Variants in RAB38 observed in about 807,000 individuals in gnomAD.
The protein encoded by RAB38 is RAB38, member RAS oncogene family, also known as ras-related protein Rab-38.
In RAB38, 15 loss-of-function variants were observed where a neutral mutation model predicts 18.4. The observed-to-expected ratio is 0.82, with a 90% CI of 0.55 to 1.26. The LOEUF (loss-of-function observed/expected upper bound fraction) is 1.26, where lower values mean the gene tolerates loss of function less well. Among genes scored for constraint, RAB38 ranks in the 50% most tolerant of loss-of-function variants. The pLI is 0.00. For missense variants in RAB38, 294 were observed against 267.4 expected, an observed-to-expected ratio of 1.10 and a Z score of -0.69; for synonymous variants, 101 against 104.4, an observed-to-expected ratio of 0.97 and a Z score of 0.20.
the RAB38 span, among the ~76,000 whole-genome samples, chr11:88,035,155 A>C: frequency 8.3e-3 from 1,259 of 152,232 alleles, 9 homozygotes; most frequent in Non-Finnish European, 0.015. Context: ...TTGCTTATTT[A>C]TTTTTAAAAA....
chr11:87,957,401 A>AT, the RAB38 span, among the ~76,000 whole-genome samples: 1 of 151,430 alleles, frequency 6.6e-6, no homozygotes, highest in South Asian at 2.1e-4. Context: ...TTAACAGAAA[A>AT]AAAAACCCAT....
chr11:87,866,904 A>T, the RAB38 span, among the ~76,000 whole-genome samples: 3 of 151,788 alleles, frequency 2.0e-5, no homozygotes, highest in East Asian at 5.8e-4. Flanking sequence ...GTTGGAGGCT[A>T]TGTTTTACCA....
At chr11:87,804,294 A>G in the RAB38 span, among the ~76,000 whole-genome samples, 7 of 151,942 alleles carry the variant, frequency 4.6e-5, no homozygotes, top group Admixed American at 2.6e-4. Flanking sequence ...GGGTGTATGC[A>G]TTGTCCTAGC....
At chr11:88,099,348 TTGTTA>T in the RAB38 span, among the ~76,000 whole-genome samples, 35,185 of 151,430 alleles carry the variant, frequency 0.23, 5,070 homozygotes, top group East Asian at 0.42. Context: ...ATCCCTTTCC[TTGTTA>T]TGTTATTTTG....
intron 2 of RAB38, among the ~76,000 whole-genome samples, chr11:88,123,034 G>T (rs1401965034): frequency 1.3e-5 from 2 of 152,128 alleles, no homozygotes; most frequent in African/African-American, 4.8e-5. Context: ...CTTGTTAAAC[G>T]ATATACACAG....
chr11:87,823,112 AATAG>A, the RAB38 span, among the ~76,000 whole-genome samples: 3 of 152,184 alleles, frequency 2.0e-5, no homozygotes, highest in Non-Finnish European at 2.9e-5. Context: ...CAAAAGAGTT[AATAG>A]ATAGATTTGA....
the RAB38 span, among the ~76,000 whole-genome samples, chr11:88,057,539 G>GCACACAGC: frequency 6.6e-6 from 1 of 152,050 alleles, no homozygotes; most frequent in Middle Eastern, 3.2e-3. Context: ...AAATAAAGAA[G>GCACACAGC]CACACAGCAT....
chr11:88,025,926 C>T, the RAB38 span, among the ~76,000 whole-genome samples: 34 of 151,912 alleles, frequency 2.2e-4, no homozygotes, highest in Non-Finnish European at 4.9e-4. Flanking sequence ...TGAGGACTTA[C>T]TCATAAATCA....
At chr11:87,934,427 C>A in the RAB38 span, among the ~76,000 whole-genome samples, 1 of 152,094 alleles carries the variant, frequency 6.6e-6, no homozygotes. Context: ...GAATTATATG[C>A]TAACCTCATA....
chr11:88,046,368 C>T, the RAB38 span, among the ~76,000 whole-genome samples: 1 of 152,182 alleles, frequency 6.6e-6, no homozygotes, highest in Non-Finnish European at 1.5e-5. Context: ...CCCCATGGTG[C>T]CAAACCCATA....
At chr11:87,900,289 G>A in the RAB38 span, among the ~76,000 whole-genome samples, 1 of 151,478 alleles carries the variant, frequency 6.6e-6, no homozygotes, top group Non-Finnish European at 1.5e-5. Flanking sequence ...AAACTAAATT[G>A]AGAGTATCAG....
chr11:88,005,607 G>A, the RAB38 span, among the ~76,000 whole-genome samples: 1 of 148,662 alleles, frequency 6.7e-6, no homozygotes, highest in East Asian at 2.0e-4. Flanking sequence ...AATTTCATAT[G>A]ATACCATTTG....
At chr11:88,048,070 TCTA>T in the RAB38 span, among the ~76,000 whole-genome samples, 1 of 152,132 alleles carries the variant, frequency 6.6e-6, no homozygotes, top group South Asian at 2.1e-4. Flanking sequence ...CATCTGCAAT[TCTA>T]CTACTCCTCA....
the RAB38 span, among the ~76,000 whole-genome samples, chr11:87,808,070 C>G: frequency 6.6e-6 from 1 of 152,064 alleles, no homozygotes; most frequent in Non-Finnish European, 1.5e-5. Context: ...CATGGACAAA[C>G]CTTAATTTGG....
chr11:87,851,209 A>T, the RAB38 span, among the ~76,000 whole-genome samples: 1 of 152,208 alleles, frequency 6.6e-6, no homozygotes, highest in African/African-American at 2.4e-5. Flanking sequence ...CCCAAAGGAC[A>T]TTTATTTGAT....
the RAB38 span, among the ~76,000 whole-genome samples, chr11:87,836,821 A>G: frequency 6.6e-6 from 1 of 152,046 alleles, no homozygotes; most frequent in Non-Finnish European, 1.5e-5. Context: ...CCAACATTAA[A>G]TTTCTTTTTG....
At chr11:88,097,356 A>G in the RAB38 span, among the ~76,000 whole-genome samples, 2 of 151,890 alleles carry the variant, frequency 1.3e-5, no homozygotes, top group Admixed American at 6.6e-5. Flanking sequence ...TCTGTGCACC[A>G]AAGAGTTTAT....
At chr11:88,094,745 A>G in the RAB38 span, among the ~76,000 whole-genome samples, 1 of 151,880 alleles carries the variant, frequency 6.6e-6, no homozygotes, top group East Asian at 1.9e-4. Context: ...GCAGAACTAT[A>G]CTTTTTGATC....
the RAB38 span, among the ~76,000 whole-genome samples, chr11:87,847,676 A>G: frequency 6.6e-6 from 1 of 152,044 alleles, no homozygotes; most frequent in East Asian, 1.9e-4. Context: ...CAGCAGAACA[A>G]GACTCATGCA....
Sources: allele counts gnomAD v4.1 joint callset (sites outside exome capture counted in the v4.1 genomes callset), GRCh38; gene constraint gnomAD v4.1.1; transcripts MANE v1.5; gene names NCBI Gene and HGNC (gene_info 2026-07-23, HGNC 2026-07-21).